Variants in CTNNA3 observed in about 807,000 individuals in gnomAD.
CTNNA3 encodes the protein catenin alpha-3.
In CTNNA3, 76 loss-of-function variants were observed where a neutral mutation model predicts 95.7. The observed-to-expected ratio is 0.79, with a 90% CI of 0.66 to 0.96. CTNNA3 has a LOEUF of 0.96. CTNNA3 is among the 40% of genes least tolerant of loss of function. CTNNA3 has a pLI of 0.00. For synonymous variants in CTNNA3, 431 were observed against 374.4 expected, an observed-to-expected ratio of 1.15 and a Z score of -1.74; for missense variants, 1,191 against 1,089.8, an observed-to-expected ratio of 1.09 and a Z score of -1.31.
At chr10:66,185,290 G>A (rs1194406945) in intron 13 of CTNNA3, among the ~76,000 whole-genome samples, 1 of 152,076 alleles carries the variant, frequency 6.6e-6, no homozygotes, top group African/African-American at 2.4e-5. Context: ...AGAGACAACA[G>A]TAATCTAGAG....
intron 5 of CTNNA3, among the ~76,000 whole-genome samples, chr10:67,356,663 C>T (rs1438378521): frequency 6.6e-6 from 1 of 152,008 alleles, no homozygotes; most frequent in Admixed American, 6.6e-5. Context: ...CCAGCTCACG[C>T]CCTCTCATTC....
chr10:66,183,958 A>G (rs929818343), intron 13 of CTNNA3, among the ~76,000 whole-genome samples: 2 of 152,062 alleles, frequency 1.3e-5, no homozygotes, highest in East Asian at 1.9e-4. Context: ...CTACCTCTTT[A>G]TCAATTATAT....
At chr10:66,502,061 T>C in intron 11 of CTNNA3, among the ~76,000 whole-genome samples, 1 of 152,148 alleles carries the variant, frequency 6.6e-6, no homozygotes, top group East Asian at 1.9e-4. Flanking sequence ...CTAGCTATCC[T>C]TTCCTCACAC....
At chr10:66,944,865 T>C (rs1848200504) in intron 7 of CTNNA3, among the ~76,000 whole-genome samples, 1 of 152,166 alleles carries the variant, frequency 6.6e-6, no homozygotes, top group Non-Finnish European at 1.5e-5. Flanking sequence ...GCATTATCAG[T>C]GAGCAGTAAT....
At chr10:66,861,013 A>C (rs4522059) in intron 7 of CTNNA3, among the ~76,000 whole-genome samples, 132,666 of 152,124 alleles carry the variant, frequency 0.87, 58,291 homozygotes, top group African/African-American at 0.97. Flanking sequence ...GGATACCCTG[A>C]AAATGTGGTC....
chr10:66,174,584 C>T (rs2085608250), intron 13 of CTNNA3, among the ~76,000 whole-genome samples: 1 of 151,928 alleles, frequency 6.6e-6, no homozygotes, highest in Admixed American at 6.6e-5. Context: ...ACTTATATGT[C>T]AACTTTTTTT....
chr10:66,521,765 C>G (rs1841075011), intron 10 of CTNNA3, among the ~76,000 whole-genome samples: 1 of 152,120 alleles, frequency 6.6e-6, no homozygotes, highest in South Asian at 2.1e-4. Context: ...TTTGCTTTGA[C>G]TGGATCACTT....
intron 7 of CTNNA3, among the ~76,000 whole-genome samples, chr10:66,840,366 TCTCTCTCACACA>T (rs1324149823): frequency 0.012 from 958 of 82,668 alleles, 1 homozygote; most frequent in African/African-American, 0.031. Flanking sequence ...TCTCTCTCTC[TCTCTCTCACACA>T]CACACACACA....
At chr10:67,654,768 A>G (rs907126340) in intron 1 of CTNNA3, among the ~76,000 whole-genome samples, 17 of 152,166 alleles carry the variant, frequency 1.1e-4, no homozygotes, top group Non-Finnish European at 2.5e-4. Context: ...CTGTGTGACA[A>G]TATCTCTTCT....
chr10:66,519,569 C>T (rs1840985464), intron 11 of CTNNA3, among the ~76,000 whole-genome samples: 1 of 152,130 alleles, frequency 6.6e-6, no homozygotes, highest in African/African-American at 2.4e-5. Context: ...ATCTGATTGC[C>T]TCCTTTGGAA....
intron 9 of CTNNA3, among the ~76,000 whole-genome samples, chr10:66,728,199 T>C (rs2394304): frequency 0.39 from 59,008 of 152,018 alleles, 11,898 homozygotes; most frequent in Non-Finnish European, 0.43. Flanking sequence ...CCAGTCTAGC[T>C]TGTAGTTGGA....
chr10:67,221,733 C>G (rs1330867217), intron 5 of CTNNA3, among the ~76,000 whole-genome samples: 2 of 151,904 alleles, frequency 1.3e-5, no homozygotes, highest in Non-Finnish European at 2.9e-5. Flanking sequence ...CACCACCACA[C>G]CCAGCTAATT....
rs1256287907 is a variant in CTNNA3, at chr10:67,444,594, C to T, written c.579+77248G>A. ...AAATGAAGAAAACAATACAAAAGAT[C>T]GATGAAATGAAAAGTTAGTTTTTTG... On this transcript the variant is annotated intron_variant, in intron 5 of 17. Coordinates refer to ENST00000433211, the MANE Select transcript of CTNNA3 (RefSeq NM_013266.4). 2.0e-5 allele frequency among the ~76,000 whole-genome samples: 3 copies of T among 151,630 alleles called. No individual in the cohort carries two copies. The East Asian group carries it at 5.8e-4, about 29-fold the overall frequency.
chr10:66,512,902 T>G (rs1239299523), intron 11 of CTNNA3, among the ~76,000 whole-genome samples: 2 of 152,176 alleles, frequency 1.3e-5, no homozygotes, highest in Non-Finnish European at 2.9e-5. Flanking sequence ...CCCTCATATG[T>G]GACTTGATGC....
At chr10:66,685,333 A>ATGTGTGTGTG (rs1589122469) in intron 9 of CTNNA3, among the ~76,000 whole-genome samples, 1 of 53,922 alleles carries the variant, frequency 1.9e-5, no homozygotes, top group Non-Finnish European at 3.3e-5. Context: ...GTGTATATAT[A>ATGTGTGTGTG]TATATATATA....
At chr10:67,356,679 T>A (rs1430585156) in intron 5 of CTNNA3, among the ~76,000 whole-genome samples, 2 of 152,220 alleles carry the variant, frequency 1.3e-5, no homozygotes, top group East Asian at 1.9e-4. Context: ...CATTCTTTGA[T>A]AACAATCCTT....
At chr10:66,436,666 A>G (rs935063790) in intron 11 of CTNNA3, among the ~76,000 whole-genome samples, 1 of 151,932 alleles carries the variant, frequency 6.6e-6, no homozygotes, top group Non-Finnish European at 1.5e-5. Flanking sequence ...TGTGTCTTTT[A>G]ATTGGGGCAT....
rs553436080 is a variant in CTNNA3 at position 66,620,149 on chromosome 10, A to C, written c.1374+1543T>G. Among the ~76,000 whole-genome samples the C allele has an allele frequency of 1.2e-4, 19 of 152,296 alleles. No homozygotes were observed. The South Asian group carries it at 2.9e-3, about 23-fold the overall frequency. On this transcript the variant is annotated intron_variant, in intron 10 of 17. Coordinates refer to ENST00000433211, the MANE Select transcript of CTNNA3 (RefSeq NM_013266.4). Reference sequence around the variant, plus strand: ...AATATGTGACAAATTTGTTGATAGAATGTCTTAACGAGGTACAAAACCACA... The same window carrying C: ...AATATGTGACAAATTTGTTGATAGACTGTCTTAACGAGGTACAAAACCACA...
At chr10:66,021,169 A>AG (rs937538436) in intron 15 of CTNNA3, among the ~76,000 whole-genome samples, 1 of 151,364 alleles carries the variant, frequency 6.6e-6, no homozygotes, top group African/African-American at 2.4e-5. Flanking sequence ...TGGTCTACAT[A>AG]TTGTTTGCAC....
Sources: allele counts gnomAD v4.1 joint callset (sites outside exome capture counted in the v4.1 genomes callset), GRCh38; gene constraint gnomAD v4.1.1; transcripts MANE v1.5; gene names NCBI Gene and HGNC (gene_info 2026-07-23, HGNC 2026-07-21).